MACROD2: variants seen among roughly 807,000 people sequenced by gnomAD.
MACROD2 encodes the protein mono-ADP ribosylhydrolase 2, also known as ADP-ribose glycohydrolase MACROD2.
MACROD2 carries 36 observed loss-of-function variants against 70.4 expected under a neutral mutation model. That is an observed-to-expected ratio of 0.51 (90% CI 0.39 to 0.68). The LOEUF (loss-of-function observed/expected upper bound fraction) is 0.68. MACROD2 is among the 30% of genes least tolerant of loss of function. The pLI is 0.00. For synonymous variants in MACROD2, 172 were observed against 178.8 expected (o/e 0.96, Z 0.30); for missense variants, 496 against 538.4 (o/e 0.92, Z 0.78).
intron 4 of MACROD2, among the ~76,000 whole-genome samples, chr20:14,674,743 C>T (rs1026390965): frequency 1.3e-5 from 2 of 152,154 alleles, no homozygotes; most frequent in African/African-American, 2.4e-5. Flanking sequence ...TTCCCCACAG[C>T]TTCATGCAGA....
chr20:16,046,821 C>T (rs1349110129), intron 17 of MACROD2, among the ~76,000 whole-genome samples: 1 of 151,502 alleles, frequency 6.6e-6, no homozygotes, highest in African/African-American at 2.4e-5. Context: ...GCTGGGATTA[C>T]AGTCGCGTAC....
intron 5 of MACROD2, among the ~76,000 whole-genome samples, chr20:15,056,362 C>G (rs922140671): frequency 1.4e-5 from 2 of 146,496 alleles, no homozygotes; most frequent in African/African-American, 2.7e-5. Context: ...AGTTTACATG[C>G]CTTGCCCCAA....
intron 2 of MACROD2, among the ~76,000 whole-genome samples, chr20:14,058,872 G>A (rs2053661280): frequency 6.6e-6 from 1 of 152,052 alleles, no homozygotes; most frequent in Non-Finnish European, 1.5e-5. Flanking sequence ...TCGATCTCTT[G>A]ACCTCATGAT....
intron 4 of MACROD2, among the ~76,000 whole-genome samples, chr20:14,515,080 G>C (rs1386004233): frequency 6.6e-6 from 1 of 152,022 alleles, no homozygotes; most frequent in Admixed American, 6.6e-5. Context: ...CGTGAAAAAA[G>C]AGCATTCAAA....
chr20:15,670,188 C>A (rs543911262), intron 8 of MACROD2, among the ~76,000 whole-genome samples: 1 of 152,178 alleles, frequency 6.6e-6, no homozygotes, highest in African/African-American at 2.4e-5. Context: ...ACGAAGGAAT[C>A]GGAAAGCAAC....
chr20:15,411,179 C>CACACACAG (rs1454808055), intron 6 of MACROD2, among the ~76,000 whole-genome samples: 1 of 146,072 alleles, frequency 6.8e-6, no homozygotes, highest in East Asian at 1.9e-4. Flanking sequence ...CACACACACA[C>CACACACAG]AAAGCTGAGA....
intron 2 of MACROD2, among the ~76,000 whole-genome samples, chr20:14,027,287 G>A (rs1005931720): frequency 6.6e-6 from 1 of 151,926 alleles, no homozygotes; most frequent in Non-Finnish European, 1.5e-5. Context: ...CGAAGTTCTC[G>A]TGCTGTGTTT....
At position 14,498,865 on chromosome 20, in the gene MACROD2, A is replaced by C. The variant is rs531016565; in HGVS notation, c.301+5357A>C. Among the ~76,000 whole-genome samples the C allele has an allele frequency of 7.2e-5, 11 of 152,334 alleles. No homozygotes were observed. The East Asian group carries it at 2.1e-3, about 29-fold the overall frequency. On this transcript the variant is annotated intron_variant, in intron 4 of 17. Transcript: ENST00000684519. ...CGGCTTTCCCAGCATATATCACTCCAGCGCTCAACATCCTGCAGTGATTCT... is the reference window on the plus strand; with the variant it reads ...CGGCTTTCCCAGCATATATCACTCCCGCGCTCAACATCCTGCAGTGATTCT...
chr20:15,618,055 C>A (rs1237087287), intron 8 of MACROD2, among the ~76,000 whole-genome samples: 1 of 146,164 alleles, frequency 6.8e-6, no homozygotes, highest in Admixed American at 6.8e-5. Flanking sequence ...TTAAGAGATT[C>A]AGATTAGTTC....
chr20:14,642,189 T>G (rs1051739247), intron 4 of MACROD2, among the ~76,000 whole-genome samples: 2 of 152,152 alleles, frequency 1.3e-5, no homozygotes, highest in African/African-American at 4.8e-5. Flanking sequence ...CTCTGCTAGC[T>G]TCCAACTTTT....
chr20:14,498,131 A>G (rs2084874740), intron 4 of MACROD2, among the ~76,000 whole-genome samples: 1 of 151,780 alleles, frequency 6.6e-6, no homozygotes, highest in South Asian at 2.1e-4. Context: ...GTCCCTTCAT[A>G]CAATGAGGCT....
At chr20:14,566,410 C>G (rs1240098176) in intron 4 of MACROD2, among the ~76,000 whole-genome samples, 1 of 151,842 alleles carries the variant, frequency 6.6e-6, no homozygotes, top group Non-Finnish European at 1.5e-5. Flanking sequence ...TGCACTCCAG[C>G]TTGGCAGCAT....
At chr20:14,650,427 C>T (rs1291760429) in intron 4 of MACROD2, among the ~76,000 whole-genome samples, 1 of 152,204 alleles carries the variant, frequency 6.6e-6, no homozygotes, top group Non-Finnish European at 1.5e-5. Context: ...TATCTCCTCA[C>T]CCCTACTTCC....
At chr20:14,957,794 G>A (rs2074550022) in intron 5 of MACROD2, among the ~76,000 whole-genome samples, 1 of 152,098 alleles carries the variant, frequency 6.6e-6, no homozygotes, top group Non-Finnish European at 1.5e-5. Context: ...TGGAGCATTG[G>A]ATTTGTCATC....
chr20:14,325,753 G>C, intron 3 of MACROD2: 1 of 1,613,924 alleles, frequency 6.2e-7, no homozygotes, highest in Non-Finnish European at 8.5e-7. Context: ...TTCCAGGATA[G>C]AGTTGTCCTT....
At chr20:14,274,335 T>G (rs1317022405) in intron 3 of MACROD2, among the ~76,000 whole-genome samples, 6 of 152,128 alleles carry the variant, frequency 3.9e-5, no homozygotes, top group African/African-American at 1.4e-4. Flanking sequence ...GCAAGGCTGG[T>G]TCGATATACG....
rs753205618 is a variant in MACROD2, at chr20:15,772,084, C to CAA, written c.646-90644_646-90643dup. 4.3e-3 allele frequency among the ~76,000 whole-genome samples: 305 copies of CAA among 70,638 alleles called. 3 individuals are homozygous for CAA. Among genetic ancestry groups the CAA allele is most frequent in the Non-Finnish European group, 5.2e-3 (198 of 38,210 alleles). The allele number at this position is 70,638 out of a possible 152,430, so 46.3% of individuals were successfully genotyped here. A position where few individuals can be genotyped will look rare whatever the true frequency, so the allele number is the denominator to read the frequency against. ...TGAGCGACAAAGTGAGACTCGGTCT[C>CAA]AAAAAAAAAAAAAAAAAATATATAT... On this transcript the variant is annotated intron_variant, in intron 8 of 17. Coordinates refer to ENST00000684519, the MANE Select transcript of MACROD2 (RefSeq NM_001351661.2).
chr20:14,518,723 A>G (rs1206857394), intron 4 of MACROD2, among the ~76,000 whole-genome samples: 1 of 152,048 alleles, frequency 6.6e-6, no homozygotes, highest in Non-Finnish European at 1.5e-5. Context: ...ATATAAAAAT[A>G]TAAAGCCTGG....
Position 15,097,061 on chromosome 20 carries a change from C to G in MACROD2, c.419-132879C>G, listed in dbSNP as rs575799291. On this transcript the variant is annotated intron_variant, in intron 5 of 17. Transcript: ENST00000684519. ...TCCTGACCTCAGGTGATCTGCCCGC[C>G]TCGGCCTCCCAAAGTGCTTGGATTA... 4.6e-5 allele frequency among the ~76,000 whole-genome samples: 7 copies of G among 152,196 alleles called. No individual in the cohort carries two copies. In the South Asian group the frequency reaches 1.5e-3, roughly 32 times the overall value.
Sources: allele counts gnomAD v4.1 joint callset (sites outside exome capture counted in the v4.1 genomes callset), GRCh38; gene constraint gnomAD v4.1.1; transcripts MANE v1.5; gene names NCBI Gene and HGNC (gene_info 2026-07-23, HGNC 2026-07-21).